The following CLMP variants were observed in gnomAD, a reference collection of about 807,000 sequenced individuals.
CLMP encodes the protein CXADR like cell adhesion molecule.
CLMP carries 27 observed loss-of-function variants against 45.2 expected under a neutral mutation model. The ratio of observed to expected loss-of-function variants is 0.60; its 90% CI spans 0.44 to 0.82. The LOEUF (loss-of-function observed/expected upper bound fraction) is 0.82, where lower values mean the gene tolerates loss of function less well. Ranked by LOEUF, CLMP falls within the 40% of genes least tolerant of loss-of-function variation. CLMP has a pLI of 0.00. For missense variants in CLMP, 403 were observed against 448.4 expected (o/e 0.90, Z 0.91); for synonymous variants, 167 against 171.4 (o/e 0.97, Z 0.20).
chr11:123,153,961 C>T (rs917936434), intron 1 of CLMP, among the ~76,000 whole-genome samples: 1 of 151,630 alleles, frequency 6.6e-6, no homozygotes, highest in Non-Finnish European at 1.5e-5. Context: ...GCTAGGATTA[C>T]AGGCGTGAGC....
At chr11:123,187,728 GT>G (rs1322783396) in intron 1 of CLMP, among the ~76,000 whole-genome samples, 1 of 152,182 alleles carries the variant, frequency 6.6e-6, no homozygotes, top group East Asian at 1.9e-4. Context: ...GGACTTAGAG[GT>G]AACTGTGTCA....
chr11:123,118,977 CTT>C (rs1565387813), intron 1 of CLMP, among the ~76,000 whole-genome samples: 47 of 49,528 alleles, frequency 9.5e-4, no homozygotes, highest in East Asian at 3.8e-3. Context: ...TTCTTTCTTT[CTT>C]TCTTTCTTTC....
intron 1 of CLMP, among the ~76,000 whole-genome samples, chr11:123,190,714 C>T (rs924904311): frequency 1.3e-5 from 2 of 152,194 alleles, no homozygotes; most frequent in African/African-American, 4.8e-5. Flanking sequence ...TGTTATGACG[C>T]CTGCCTGATT....
intron 5 of CLMP, among the ~76,000 whole-genome samples, chr11:123,080,910 C>T (rs946783501): frequency 7.9e-5 from 12 of 151,860 alleles, no homozygotes; most frequent in Admixed American, 4.6e-4. Flanking sequence ...TTTGGGAGGC[C>T]GAGGTGGGCG....
chr11:123,191,805 T>C (rs566205411), intron 1 of CLMP, among the ~76,000 whole-genome samples: 88 of 152,322 alleles, frequency 5.8e-4, no homozygotes, highest in African/African-American at 2.1e-3. Context: ...CACAAGTGTT[T>C]ATGCAAGGTA....
intron 1 of CLMP, among the ~76,000 whole-genome samples, chr11:123,181,536 T>C (rs1173856945): frequency 6.6e-6 from 1 of 152,252 alleles, no homozygotes; most frequent in Non-Finnish European, 1.5e-5. Flanking sequence ...ATTTTGGCAA[T>C]GAATTCCATT....
intron 1 of CLMP, among the ~76,000 whole-genome samples, chr11:123,179,670 G>A (rs1162849525): frequency 2.6e-5 from 4 of 152,198 alleles, no homozygotes; most frequent in Admixed American, 1.3e-4. Flanking sequence ...GATCCGCAGG[G>A]GGCAGAGGCC....
At position 123,083,712 on chromosome 11, in the gene CLMP, T is replaced by A. The variant is rs1865830522; in HGVS notation, c.524A>T (p.Glu175Val). The change falls in exon 4 of 7, where the codon GAG becomes GTG. Residue 175 changes from glutamate (E) to valine (V), a missense_variant. Transcript: ENST00000448775. Reference protein sequence around the residue: ...YWQRIREKEGEDERLPPKSRI... With the variant: ...YWQRIREKEGVDERLPPKSRI... ...AGATTTGGGAGGCAGACGTTCATCC[T>A]CTCCCTCTTTCTCTCGGATTCGCTG... The A allele has an allele frequency of 6.2e-7, 1 of 1,614,068 alleles. No homozygotes were observed. The highest frequency in any genetic ancestry group is 1.7e-5 in the Admixed American group (1 of 59,986).
rs751387620 is a variant in CLMP, at chr11:123,074,723, T to C, written c.800A>G (p.Glu267Gly). Residue 267 changes from glutamate to glycine, a missense_variant, in exon 6 of 7, where the codon GAA becomes GGA. Coordinates refer to ENST00000448775, the MANE Select transcript of CLMP (RefSeq NM_024769.5). ...RRKDKERYEE[E>G]ERPNEIREDA... ...TTACCGAATTTCATTAGGTCTCTCT[T>C]CTTCCTCATATCTTTCTTTGTCTTT... 2 of 1,614,170 alleles carry C rather than the reference T, an allele frequency of 1.2e-6. No homozygotes were observed. Among genetic ancestry groups the C allele is most frequent in the Non-Finnish European group, 1.7e-6 (2 of 1,180,032 alleles).
At chr11:123,081,182 AAC>A (rs35625126) in intron 5 of CLMP, among the ~76,000 whole-genome samples, 2 of 151,968 alleles carry the variant, frequency 1.3e-5, no homozygotes, top group African/African-American at 2.4e-5. Flanking sequence ...AAAAACCAAC[AAC>A]AAAAAAAAAC....
At chr11:123,092,684 G>A (rs889439193) in intron 2 of CLMP, among the ~76,000 whole-genome samples, 7 of 150,530 alleles carry the variant, frequency 4.7e-5, no homozygotes, top group Admixed American at 4.0e-4. Context: ...TGCAACCTTC[G>A]CCTCCTGGGT....
At chr11:123,082,475 A>AT (rs1865817104) in intron 5 of CLMP, among the ~76,000 whole-genome samples, 1 of 151,506 alleles carries the variant, frequency 6.6e-6, no homozygotes, top group Non-Finnish European at 1.5e-5. Flanking sequence ...CACCTGGCTC[A>AT]TTTTTTGTCT....
chr11:123,161,248 G>A (rs1284407752), intron 1 of CLMP, among the ~76,000 whole-genome samples: 1 of 152,160 alleles, frequency 6.6e-6, no homozygotes, highest in East Asian at 1.9e-4. Flanking sequence ...ATCTATTTGA[G>A]ACTGTAGAAC....
In CLMP at chr11:123,180,555, A is replaced by C. The variant is rs147655184; in HGVS notation, c.28+14358T>G. 2.2e-3 allele frequency among the ~76,000 whole-genome samples: 342 copies of C among 152,072 alleles called. 3 individuals are homozygous for C. Among genetic ancestry groups the C allele is most frequent in the African/African-American group, 8.0e-3 (332 of 41,456 alleles). On this transcript the variant is annotated intron_variant, in intron 1 of 6. Coordinates refer to ENST00000448775, the MANE Select transcript of CLMP (RefSeq NM_024769.5). ...TTTATAAGTCACCCAGTCTACAGTA[A>C]TTTGTTAAGCAGCCTGAACAGACAA... is the stretch of plus-strand genomic sequence containing the variant.
intron 1 of CLMP, among the ~76,000 whole-genome samples, chr11:123,101,615 C>T (rs1480306106): frequency 2.6e-5 from 4 of 152,290 alleles, no homozygotes; most frequent in South Asian, 2.1e-4. Flanking sequence ...GCATCTGAAA[C>T]GGCCTTGGCA....
intron 1 of CLMP, among the ~76,000 whole-genome samples, chr11:123,186,095 C>T (rs1305322606): frequency 6.6e-6 from 1 of 152,188 alleles, no homozygotes; most frequent in Admixed American, 6.5e-5. Context: ...GCAAACTCTG[C>T]TCGCGTCTGC....
At chr11:123,192,791 T>C (rs1183737417) in intron 1 of CLMP, among the ~76,000 whole-genome samples, 1 of 152,134 alleles carries the variant, frequency 6.6e-6, no homozygotes, top group Non-Finnish European at 1.5e-5. Context: ...CTGTGCAATC[T>C]TTAGAAAAAG....
chr11:123,156,817 G>A (rs1861421467), intron 1 of CLMP, among the ~76,000 whole-genome samples: 1 of 152,180 alleles, frequency 6.6e-6, no homozygotes, highest in African/African-American at 2.4e-5. Context: ...TTCCCCAGCA[G>A]CAGTGCACAT....
chr11:123,091,596 C>G (rs1231058332), intron 2 of CLMP, among the ~76,000 whole-genome samples: 4 of 152,168 alleles, frequency 2.6e-5, no homozygotes, highest in African/African-American at 9.7e-5. Context: ...TAGGGAGAAG[C>G]CTATGCACGT....
Sources: allele counts gnomAD v4.1 joint callset (sites outside exome capture counted in the v4.1 genomes callset), GRCh38; gene constraint gnomAD v4.1.1; transcripts MANE v1.5; gene names NCBI Gene and HGNC (gene_info 2026-07-23, HGNC 2026-07-21).